PCDHGA6: variants seen among roughly 807,000 people sequenced by gnomAD.
PCDHGA6 encodes protocadherin gamma subfamily A, 6.
In PCDHGA6, 41 loss-of-function variants were observed where a neutral mutation model predicts 60.6. That is an observed-to-expected ratio of 0.68 (90% confidence interval 0.53 to 0.88). The LOEUF is 0.88. Ranked by LOEUF, PCDHGA6 falls within the 40% of genes least tolerant of loss-of-function variation. The pLI is 0.00. For missense variants in PCDHGA6, 1,312 were observed against 1,203.0 expected (o/e 1.09, Z -1.34); for synonymous variants, 594 against 524.4 (o/e 1.13, Z -1.81).
intron 1 of PCDHGA6, among the ~76,000 whole-genome samples, chr5:141,482,530 C>CAAAAAAAAA (rs3074545): frequency 5.2e-4 from 40 of 76,506 alleles, no homozygotes; most frequent in African/African-American, 1.4e-3. Context: ...GACAGACATG[C>CAAAAAAAAA]AAAAAAAAAA....
At chr5:141,441,404 C>T (rs1231257776) in intron 1 of PCDHGA6, 1 of 155,262 alleles carries the variant, frequency 6.4e-6, no homozygotes, top group Admixed American at 6.5e-5. Context: ...ATCAGCATCA[C>T]TGCCACTGAC....
rs765792921 is a variant in PCDHGA6 at position 141,374,181 on chromosome 5, A to G, written c.98A>G (p.Tyr33Cys). 14 of 1,613,530 alleles carry G rather than the reference A, an allele frequency of 8.7e-6. No individual in the cohort carries two copies. The highest frequency in any genetic ancestry group is 2.7e-5 in the African/African-American group (2 of 74,920). The change falls in exon 1 of 4, where the codon TAC becomes TGC. Residue 33 changes from tyrosine (Y) to cysteine (C), a missense_variant. By Grantham distance (194) the Tyr-to-Cys change is radical. Transcript: ENST00000517434. ...LWGAAAAQIR[Y>C]SIPEELEKGS... Reference sequence around the variant, plus strand: ...GGGGCCGCGGCAGCGCAGATCCGCTACTCTATTCCCGAGGAGCTGGAGAAA... The same window carrying G: ...GGGGCCGCGGCAGCGCAGATCCGCTGCTCTATTCCCGAGGAGCTGGAGAAA...
intron 1 of PCDHGA6, among the ~76,000 whole-genome samples, chr5:141,452,522 A>G (rs924248463): frequency 6.6e-6 from 1 of 152,310 alleles, no homozygotes; most frequent in African/African-American, 2.4e-5. Context: ...CTCCCTCAAA[A>G]TCGTGAGTTC....
At chr5:141,409,712 T>C (rs1049603081) in intron 1 of PCDHGA6, 5 of 1,613,122 alleles carry the variant, frequency 3.1e-6, no homozygotes, top group Non-Finnish European at 4.2e-6. Flanking sequence ...GGTGTCGTCA[T>C]ACGTGTCAGT....
Position 141,376,491 on chromosome 5 carries a change from A to T in PCDHGA6, c.2408A>T (p.Glu803Val). 1.2e-6 allele frequency: 2 copies of T among 1,614,114 alleles called. No individual in the cohort carries two copies. Among genetic ancestry groups the T allele is most frequent in the Non-Finnish European group, 1.7e-6 (2 of 1,179,996 alleles). ...ITQDLLETKG[E>V]PRQLQQAPPN... ...CAGGATTTACTTGAAACGAAAGGAG[A>T]ACCCAGGCAACTTCAGGTGAGTTTC... The change falls in exon 1 of 4, where the codon GAA (glutamate) becomes GTA (valine). Residue 803 changes from glutamate (E) to valine (V), a missense_variant. Coordinates refer to ENST00000517434, the MANE Select transcript of PCDHGA6 (RefSeq NM_018919.3).
intron 1 of PCDHGA6, chr5:141,393,440 C>G (rs777552488): frequency 6.2e-7 from 1 of 1,614,042 alleles, no homozygotes; most frequent in Admixed American, 1.7e-5. Context: ...CTGCTCACCA[C>G]CTGGTCCTCA....
At chr5:141,403,414 T>C (rs373392812) in intron 1 of PCDHGA6, 142 of 1,613,926 alleles carry the variant, frequency 8.8e-5, no homozygotes, top group Middle Eastern at 1.6e-4. Context: ...GTTATCCACT[T>C]CCAGAAGCTA....
At chr5:141,415,462 C>T in intron 1 of PCDHGA6, 1 of 1,614,220 alleles carries the variant, frequency 6.2e-7, no homozygotes. Context: ...CGAGGTCTCT[C>T]TCACCGCGGA....
rs762801084 is a variant in PCDHGA6, at chr5:141,389,853, A to T, written c.2424+13346A>T. 5 of 1,614,050 alleles carry T rather than the reference A, an allele frequency of 3.1e-6. No homozygotes were observed. In the South Asian group the frequency reaches 5.5e-5, roughly 18 times the overall value. On this transcript the variant is annotated intron_variant, in intron 1 of 3. Transcript: ENST00000517434. The stretch of plus-strand genomic sequence containing the variant: ...ACAGCCACCACTCTCGGCCACTGCC[A>T]CGTTGCACCTGGTCTTCGCCGACAG...
rs1449911634 is a variant in PCDHGA6 at position 141,384,593 on chromosome 5, C to T, written c.2424+8086C>T. On this transcript the variant is annotated intron_variant, in intron 1 of 3. Transcript: ENST00000517434. ...GACAACCCGCCCGAGATCCTGTACC[C>T]GGCCCTCCCCACAGATGGTTCTACT... 3 of 1,614,252 alleles carry T rather than the reference C, an allele frequency of 1.9e-6. No individual in the cohort carries two copies. The highest frequency in any genetic ancestry group is 4.5e-5 in the East Asian group (2 of 44,888).
chr5:141,415,747 T>TTTTG, intron 1 of PCDHGA6: 2 of 797,626 alleles, frequency 2.5e-6, no homozygotes, highest in Non-Finnish European at 3.1e-6. Flanking sequence ...AAGGTTTTTT[T>TTTTG]TTTTTTTTTT....
intron 1 of PCDHGA6, among the ~76,000 whole-genome samples, chr5:141,461,711 C>A (rs897443905): frequency 1.3e-5 from 2 of 152,112 alleles, no homozygotes; most frequent in African/African-American, 2.4e-5. Flanking sequence ...ACTTTTTTTG[C>A]CCAGGCTGGA....
intron 1 of PCDHGA6, chr5:141,427,255 G>C (rs1369151995): frequency 2.2e-6 from 1 of 456,746 alleles, no homozygotes; most frequent in Non-Finnish European, 4.4e-6. Flanking sequence ...GATGGTGGAG[G>C]CATGACCAGC....
At chr5:141,424,682 C>A (rs1421088073) in intron 1 of PCDHGA6, 1 of 152,062 alleles carries the variant, frequency 6.6e-6, no homozygotes, top group Non-Finnish European at 1.5e-5. Flanking sequence ...AGCTAGTATC[C>A]TTCTGGCTAT....
rs373867677 is a variant in PCDHGA6 at position 141,432,049 on chromosome 5, G to A, written c.2424+55542G>A. The A allele has an allele frequency of 2.0e-5, 32 of 1,614,150 alleles. No individual in the cohort carries two copies. In the African/African-American group the frequency reaches 4.1e-4, roughly 21 times the overall value. ...TGACCGCCACTGACCGGGGAACCCC[G>A]CCCCTATCCACGGAAACTCATATCT... On this transcript the variant is annotated intron_variant, in intron 1 of 3. Coordinates refer to ENST00000517434, the MANE Select transcript of PCDHGA6 (RefSeq NM_018919.3). The surrounding 1 kb of genome is among the most constrained non-coding windows in gnomAD (Gnocchi z 6.0).
At chr5:141,437,460 T>C (rs2097886220) in intron 1 of PCDHGA6, among the ~76,000 whole-genome samples, 1 of 152,230 alleles carries the variant, frequency 6.6e-6, no homozygotes, top group South Asian at 2.1e-4. Flanking sequence ...GAGACTATAC[T>C]ATACTTTTAT....
chr5:141,377,890 C>T (rs1204585448), intron 1 of PCDHGA6: 1 of 152,090 alleles, frequency 6.6e-6, no homozygotes, highest in African/African-American at 2.4e-5. Context: ...GATAGGATCC[C>T]CCTCTGTTGC....
intron 1 of PCDHGA6, chr5:141,410,195 G>A (rs769655902): frequency 1.1e-5 from 18 of 1,613,966 alleles, no homozygotes; most frequent in Non-Finnish European, 1.0e-5. Context: ...TCTGGTCTTC[G>A]CAGACAACTT....
At chr5:141,466,280 C>T (rs1181499549) in intron 1 of PCDHGA6, among the ~76,000 whole-genome samples, 1 of 152,142 alleles carries the variant, frequency 6.6e-6, no homozygotes, top group Admixed American at 6.6e-5. Flanking sequence ...AAGCAATCTT[C>T]CCACCTCAGG....
Sources: gnomAD v4.1 joint callset for allele counts (sites outside exome capture counted in the v4.1 genomes callset) on GRCh38, gnomAD v4.1.1 for gene constraint, Gnocchi (gnomAD v3.1) non-coding constraint, MANE v1.5 for transcripts, NCBI Gene and HGNC (gene_info 2026-07-23, HGNC 2026-07-21) for gene names.